The following ACSS3 variants were observed in gnomAD, a reference collection of about 807,000 sequenced individuals.
The protein encoded by ACSS3 is acyl-CoA synthetase short-chain family member 3, mitochondrial.
ACSS3 carries 64 observed loss-of-function variants against 84.2 expected under a neutral mutation model. That is an observed-to-expected ratio of 0.76 (90% CI 0.62 to 0.94). ACSS3 has a LOEUF of 0.94. ACSS3 is among the 40% of genes least tolerant of loss of function. ACSS3 has a pLI of 0.00. For synonymous variants in ACSS3, 317 were observed against 310.1 expected (o/e 1.02, Z -0.23); for missense variants, 815 against 867.6 (o/e 0.94, Z 0.76).
chr12:81,109,328 A>T (rs1361645402), intron 1 of ACSS3, among the ~76,000 whole-genome samples: 1 of 152,154 alleles, frequency 6.6e-6, no homozygotes, highest in African/African-American at 2.4e-5. Flanking sequence ...TGGAAGTGTG[A>T]GGTATGTATT....
chr12:81,209,997 G>A (rs1243493663), intron 9 of ACSS3, among the ~76,000 whole-genome samples: 1 of 152,190 alleles, frequency 6.6e-6, no homozygotes, highest in African/African-American at 2.4e-5. Flanking sequence ...GTTTTGGCCA[G>A]CTGCTTTACC....
chr12:81,228,829 CAGAT>C (rs754306719), intron 11 of ACSS3, among the ~76,000 whole-genome samples: 11 of 151,688 alleles, frequency 7.3e-5, no homozygotes, highest in Non-Finnish European at 1.6e-4. Flanking sequence ...TTGCTGTGAG[CAGAT>C]AGTGTGTGGA....
intron 11 of ACSS3, among the ~76,000 whole-genome samples, chr12:81,226,379 A>AT (rs1311120994): frequency 6.6e-6 from 1 of 151,018 alleles, no homozygotes; most frequent in Non-Finnish European, 1.5e-5. Context: ...CCGTAGAACT[A>AT]TTTTTCCTGT....
intron 9 of ACSS3, among the ~76,000 whole-genome samples, chr12:81,200,134 GCAGA>G (rs532912619): frequency 7.0e-4 from 107 of 152,252 alleles, no homozygotes; most frequent in Middle Eastern, 3.4e-3. Context: ...TTTGGAATAA[GCAGA>G]CAACCACCAC....
At chr12:81,159,928 C>T (rs893830650) in intron 7 of ACSS3, among the ~76,000 whole-genome samples, 7 of 152,166 alleles carry the variant, frequency 4.6e-5, no homozygotes, top group East Asian at 1.9e-4. Flanking sequence ...TAAATCTTTC[C>T]GTGTCCTGCC....
intron 7 of ACSS3, among the ~76,000 whole-genome samples, chr12:81,168,540 A>G (rs529082494): frequency 1.3e-5 from 2 of 152,306 alleles, no homozygotes; most frequent in East Asian, 3.9e-4. Context: ...ACTGGATGAG[A>G]GTGATACTCT....
intron 7 of ACSS3, among the ~76,000 whole-genome samples, chr12:81,152,981 G>A (rs1017190469): frequency 2.6e-5 from 4 of 152,096 alleles, no homozygotes; most frequent in Non-Finnish European, 4.4e-5. Flanking sequence ...TACTTACCAT[G>A]TGCAATGATG....
At chr12:81,153,923 C>T (rs1886741356) in intron 7 of ACSS3, among the ~76,000 whole-genome samples, 1 of 152,182 alleles carries the variant, frequency 6.6e-6, no homozygotes, top group Non-Finnish European at 1.5e-5. Context: ...ATTAAACCAT[C>T]ATATACTACT....
At chr12:81,127,443 G>T (rs961687864) in intron 2 of ACSS3, among the ~76,000 whole-genome samples, 13 of 152,042 alleles carry the variant, frequency 8.6e-5, no homozygotes, top group African/African-American at 2.9e-4. Context: ...CTTTTCAATG[G>T]CTGCCTGTAT....
At chr12:81,090,633 C>G (rs1881610878) in intron 1 of ACSS3, among the ~76,000 whole-genome samples, 1 of 151,940 alleles carries the variant, frequency 6.6e-6, no homozygotes, top group South Asian at 2.1e-4. Flanking sequence ...ATCAAGGAAC[C>G]AAAGAGTTTG....
intron 8 of ACSS3, among the ~76,000 whole-genome samples, chr12:81,192,887 T>C (rs527588370): frequency 5.1e-4 from 78 of 152,206 alleles, no homozygotes; most frequent in Non-Finnish European, 1.0e-3. Flanking sequence ...TGCTATTGCC[T>C]TTGAGTTCTC....
intron 5 of ACSS3, among the ~76,000 whole-genome samples, chr12:81,150,735 G>A (rs1886570542): frequency 2.0e-5 from 3 of 152,218 alleles, no homozygotes; most frequent in African/African-American, 7.2e-5. Context: ...CACCTGAGGA[G>A]AGCAGCAATG....
In ACSS3 at chr12:81,259,890, A is replaced by T; in HGVS notation, c.*4968A>T. 2.6e-6 allele frequency: 1 copy of T among 386,682 alleles called. No individual in the cohort carries two copies. Among genetic ancestry groups the T allele is most frequent in the Non-Finnish European group, 4.6e-6 (1 of 216,014 alleles). 24.0% of individuals were successfully genotyped at this position (386,682 alleles called of 1,614,324 possible). On this transcript the variant is annotated 3_prime_UTR_variant, in exon 16 of 16. Coordinates refer to ENST00000548058, the MANE Select transcript of ACSS3 (RefSeq NM_024560.4). ...TAATAGAATTTGCTCAACTTTGTGG[A>T]AAGTATGGCAGTAATGTAAACAAAG...
At chr12:81,203,413 A>C (rs1173753654) in intron 9 of ACSS3, among the ~76,000 whole-genome samples, 1 of 152,224 alleles carries the variant, frequency 6.6e-6, no homozygotes, top group Non-Finnish European at 1.5e-5. Flanking sequence ...TTCTTAATTC[A>C]GTCAAGTTGA....
intron 13 of ACSS3, among the ~76,000 whole-genome samples, chr12:81,239,658 G>A (rs566853815): frequency 4.0e-5 from 6 of 151,778 alleles, no homozygotes; most frequent in African/African-American, 1.4e-4. Context: ...ACTATCATGA[G>A]AACAACACAG....
intron 1 of ACSS3, among the ~76,000 whole-genome samples, chr12:81,104,458 C>T (rs1882800118): frequency 6.6e-6 from 1 of 152,134 alleles, no homozygotes; most frequent in South Asian, 2.1e-4. Flanking sequence ...TAGATTTCTG[C>T]TCTTGCCAAG....
chr12:81,226,992 T>C lies in ACSS3; in HGVS notation c.1515-4065T>C, dbSNP rs534845934. ...ACACACACACACACACACACACACATATATATATACATACACACATATCTA... is the reference window on the plus strand; with the variant it reads ...ACACACACACACACACACACACACACATATATATACATACACACATATCTA... On this transcript the variant is annotated intron_variant, in intron 11 of 15. Transcript: ENST00000548058. Among the ~76,000 whole-genome samples the C allele has an allele frequency of 4.9e-3, 707 of 145,026 alleles. 6 individuals are homozygous for C. Among genetic ancestry groups the C allele is most frequent in the African/African-American group, 0.017 (666 of 38,930 alleles).
At chr12:81,199,905 C>T in intron 9 of ACSS3, 1 of 308,946 alleles carries the variant, frequency 3.2e-6, no homozygotes, top group Non-Finnish European at 6.3e-6. Flanking sequence ...TTTATGAAGG[C>T]TTGTTCCTCT....
chr12:81,143,172 A>T lies in ACSS3; in HGVS notation c.846A>T (p.Ser282=), dbSNP rs1886176092. 6.2e-7 allele frequency: 1 copy of T among 1,613,758 alleles called. No individual in the cohort carries two copies. ...ATGAAGAGATGGCAAAAGCCCAGTC[A>T]CATGACTGTGTTCCTGTTCTTTCAG... ...DWDEEMAKAQ[S]HDCVPVLSEH... is the part of the protein sequence containing the mutation. The change falls in exon 5 of 16, where the codon TCA becomes TCT. Residue 282 remains serine, a synonymous_variant. Coordinates refer to ENST00000548058, the MANE Select transcript of ACSS3 (RefSeq NM_024560.4).
Sources: allele counts gnomAD v4.1 joint callset (sites outside exome capture counted in the v4.1 genomes callset), GRCh38; gene constraint gnomAD v4.1.1; transcripts MANE v1.5; gene names NCBI Gene and HGNC (gene_info 2026-07-23, HGNC 2026-07-21).